CCDC201: variants seen among roughly 807,000 people sequenced by gnomAD.
CCDC201 encodes coiled-coil domain containing 201.
upstream of CCDC201, among the ~76,000 whole-genome samples, chr7:45,876,925 A>C (rs73694858): frequency 0.014 from 2,175 of 152,298 alleles, 49 homozygotes; most frequent in African/African-American, 0.049. Context: ...GATGCGATCG[A>C]AGTCCAAGCT....
chr7:45,880,765 AGT>A, the CCDC201 span, among the ~76,000 whole-genome samples: 2 of 152,172 alleles, frequency 1.3e-5, no homozygotes, highest in African/African-American at 4.8e-5. Flanking sequence ...GCTCCAACTC[AGT>A]GTGTGTAGCG....
At chr7:45,874,592 A>G (rs1208822054), upstream of CCDC201, among the ~76,000 whole-genome samples, 14 of 152,158 alleles carry the variant, frequency 9.2e-5, no homozygotes. Context: ...GCTCACCCTC[A>G]CCCTCTGACT....
At chr7:45,879,578 T>C in the CCDC201 span, among the ~76,000 whole-genome samples, 1 of 152,134 alleles carries the variant, frequency 6.6e-6, no homozygotes, top group East Asian at 1.9e-4. Flanking sequence ...GGAGGTGCTA[T>C]ACACTTTCAA....
intron 1 of CCDC201, among the ~76,000 whole-genome samples, chr7:45,868,751 G>C (rs1363627875): frequency 6.6e-6 from 1 of 152,186 alleles, no homozygotes; most frequent in Admixed American, 6.5e-5. Flanking sequence ...CCTGCCCTCA[G>C]CTTTCAGGGG....
chr7:45,880,847 G>A, the CCDC201 span, among the ~76,000 whole-genome samples: 1 of 152,202 alleles, frequency 6.6e-6, no homozygotes, highest in Non-Finnish European at 1.5e-5. Context: ...GAGAGGTCCT[G>A]CTGCCCCTGT....
At chr7:45,882,562 C>T in the CCDC201 span, among the ~76,000 whole-genome samples, 3 of 152,204 alleles carry the variant, frequency 2.0e-5, no homozygotes, top group African/African-American at 4.8e-5. Context: ...TTGAGTGCAA[C>T]GGTCAACATT....
chr7:45,878,603 T>C, the CCDC201 span, among the ~76,000 whole-genome samples: 1 of 152,230 alleles, frequency 6.6e-6, no homozygotes, highest in Non-Finnish European at 1.5e-5. Flanking sequence ...TGGCTGGAGC[T>C]GGAGCAGCTG....
At chr7:45,861,565 T>C (rs894779763) in exon 3 of CCDC201, 2 of 152,224 alleles carry the variant, frequency 1.3e-5, no homozygotes, top group African/African-American at 4.8e-5. Context: ...TCCAAAGAAA[T>C]GTGGGTGTTT....
At chr7:45,870,564 CA>C (rs1786732537) in intron 1 of CCDC201, among the ~76,000 whole-genome samples, 1 of 151,988 alleles carries the variant, frequency 6.6e-6, no homozygotes, top group Non-Finnish European at 1.5e-5. Flanking sequence ...GAATTTATGG[CA>C]AAATACATGA....
chr7:45,860,507 A>C (rs1293944824), exon 3 of CCDC201: 1 of 152,222 alleles, frequency 6.6e-6, no homozygotes, highest in Non-Finnish European at 1.5e-5. Context: ...TGCAAGTTAC[A>C]TTATGCTTAC....
upstream of CCDC201, among the ~76,000 whole-genome samples, chr7:45,874,208 G>A (rs531932180): frequency 6.6e-5 from 10 of 152,204 alleles, no homozygotes; most frequent in South Asian, 2.1e-4. Flanking sequence ...CACCATGCAC[G>A]GCCAGTAAGC....
At chr7:45,881,826 G>C in the CCDC201 span, among the ~76,000 whole-genome samples, 1 of 152,290 alleles carries the variant, frequency 6.6e-6, no homozygotes, top group South Asian at 2.1e-4. Flanking sequence ...GGACACATCT[G>C]TGCTCCTCCT....
upstream of CCDC201, among the ~76,000 whole-genome samples, chr7:45,876,409 G>A (rs542323944): frequency 1.4e-4 from 22 of 152,302 alleles, no homozygotes; most frequent in Admixed American, 1.4e-3. Flanking sequence ...GAGCTATCAG[G>A]CTACTTGCCC....
At chr7:45,870,192 T>C (rs974254535) in intron 1 of CCDC201, among the ~76,000 whole-genome samples, 2 of 152,224 alleles carry the variant, frequency 1.3e-5, no homozygotes, top group Admixed American at 1.3e-4. Flanking sequence ...AGTCTAGTAG[T>C]GCATCTCATT....
the CCDC201 span, among the ~76,000 whole-genome samples, chr7:45,878,789 C>G: frequency 2.6e-5 from 4 of 152,236 alleles, no homozygotes; most frequent in Non-Finnish European, 4.4e-5. Flanking sequence ...ACGTTTGATT[C>G]ACCTTTACTT....
At chr7:45,869,387 A>G (rs1786716662) in intron 1 of CCDC201, among the ~76,000 whole-genome samples, 1 of 152,216 alleles carries the variant, frequency 6.6e-6, no homozygotes, top group African/African-American at 2.4e-5. Context: ...AAGCAGCAAC[A>G]ATGAGGTGTG....
chr7:45,881,577 C>T, the CCDC201 span, among the ~76,000 whole-genome samples: 9 of 152,072 alleles, frequency 5.9e-5, no homozygotes, highest in African/African-American at 2.2e-4. Flanking sequence ...TCTAACCCAC[C>T]CCCCTTTACC....
chr7:45,873,920 CTTTTTT>C (rs201948561), upstream of CCDC201, among the ~76,000 whole-genome samples: 3 of 121,408 alleles, frequency 2.5e-5, no homozygotes, highest in African/African-American at 3.4e-5. Flanking sequence ...CATTTACTTA[CTTTTTT>C]TTTTTTTTTT....
chr7:45,867,567 A>G (rs1786691732), intron 1 of CCDC201, among the ~76,000 whole-genome samples: 1 of 152,258 alleles, frequency 6.6e-6, no homozygotes, highest in Admixed American at 6.5e-5. Flanking sequence ...CCGTATAATT[A>G]GCAAGTGCAT....
Sources: gnomAD v4.1 joint callset for allele counts (sites outside exome capture counted in the v4.1 genomes callset) on GRCh38, gnomAD v4.1.1 for gene constraint, MANE v1.5 for transcripts, NCBI Gene and HGNC (gene_info 2026-07-23, HGNC 2026-07-21) for gene names.